Variants in SYNPO2 observed in about 807,000 individuals in gnomAD.
SYNPO2 encodes the protein synaptopodin-2.
SYNPO2 carries 56 observed loss-of-function variants against 85.0 expected under a neutral mutation model. The ratio of observed to expected loss-of-function variants is 0.66; its 90% confidence interval spans 0.53 to 0.82. The LOEUF is 0.82. Ranked by LOEUF, SYNPO2 falls within the 40% of genes least tolerant of loss-of-function variation. The pLI, the probability that SYNPO2 is intolerant of heterozygous loss-of-function variation, is 0.00. For synonymous variants in SYNPO2, 602 were observed against 591.1 expected, an observed-to-expected ratio of 1.02 and a Z score of -0.27; for missense variants, 1,575 against 1,534.2, an observed-to-expected ratio of 1.03 and a Z score of -0.44.
intron 1 of SYNPO2, among the ~76,000 whole-genome samples, chr4:118,949,204 A>G (rs920184383): frequency 2.6e-5 from 4 of 152,236 alleles, no homozygotes; most frequent in African/African-American, 9.6e-5. Flanking sequence ...GAGAGCCACA[A>G]TAGATAAACA....
intron 1 of SYNPO2, among the ~76,000 whole-genome samples, chr4:118,871,858 C>G (rs372325036): frequency 6.6e-6 from 1 of 152,166 alleles, no homozygotes; most frequent in African/African-American, 2.4e-5. Flanking sequence ...CGTGAGCCAC[C>G]GCACCTGGCC....
chr4:118,962,762 A>C (rs995057876), intron 1 of SYNPO2, among the ~76,000 whole-genome samples: 3 of 152,192 alleles, frequency 2.0e-5, no homozygotes, highest in African/African-American at 7.2e-5. Context: ...CCATGTTTGG[A>C]AATGGTTCCT....
At chr4:118,957,022 G>C (rs72913151) in intron 1 of SYNPO2, among the ~76,000 whole-genome samples, 66,029 of 151,372 alleles carry the variant, frequency 0.44, 14,610 homozygotes, top group Admixed American at 0.55. Context: ...TCCAGCCTGG[G>C]TGACACAGTG....
At chr4:118,896,251 A>G (rs1049267074) in intron 1 of SYNPO2, among the ~76,000 whole-genome samples, 11 of 152,194 alleles carry the variant, frequency 7.2e-5, no homozygotes, top group African/African-American at 2.7e-4. Flanking sequence ...ATAACAAACT[A>G]TTCTTTTTTT....
At chr4:119,043,532 A>G (rs1194932824) in intron 4 of SYNPO2, 1 of 152,264 alleles carries the variant, frequency 6.6e-6, no homozygotes, top group Non-Finnish European at 1.5e-5. Flanking sequence ...AGAATACTAA[A>G]GAATGAGATC....
rs151113205 is a variant in SYNPO2 at position 119,031,801 on chromosome 4, G to T, written c.3026G>T (p.Arg1009Leu). ...ALAMKQALPPRPVNAASPTNV... is the reference protein window; with the variant it reads ...ALAMKQALPPLPVNAASPTNV... ...GCCATGAAGCAAGCTCTTCCTCCCC[G>T]GCCAGTGAATGCTGCCTCACCTACG... The change falls in exon 4 of 5, where the codon CGG (arginine) becomes CTG (leucine). Residue 1009 changes from arginine (R) to leucine (L), a missense_variant. Physicochemically the swap from Arg to Leu is moderately radical, Grantham distance 102. Coordinates refer to ENST00000307142, the MANE Select transcript of SYNPO2 (RefSeq NM_133477.3). 10 of 1,614,022 alleles carry T rather than the reference G, an allele frequency of 6.2e-6. No individual in the cohort carries two copies. Among genetic ancestry groups the T allele is most frequent in the Non-Finnish European group, 7.6e-6 (9 of 1,180,038 alleles).
intron 1 of SYNPO2, among the ~76,000 whole-genome samples, chr4:118,906,737 T>C (rs577296800): frequency 6.6e-6 from 1 of 152,232 alleles, no homozygotes; most frequent in African/African-American, 2.4e-5. Context: ...TGTACCTTAC[T>C]AGATCTTTTT....
chr4:118,912,503 A>C (rs1473194135), intron 1 of SYNPO2, among the ~76,000 whole-genome samples: 1 of 43,540 alleles, frequency 2.3e-5, no homozygotes, highest in African/African-American at 5.7e-5. Flanking sequence ...TTGTTTAAAA[A>C]TTTAGGTAAA....
chr4:119,028,152 G>A (rs894453393), intron 3 of SYNPO2, among the ~76,000 whole-genome samples: 3 of 151,894 alleles, frequency 2.0e-5, no homozygotes, highest in African/African-American at 7.3e-5. Context: ...AGACAGAAAG[G>A]AGAATTGGGA....
At chr4:119,035,792 G>A (rs1179038697) in intron 4 of SYNPO2, 3 of 979,410 alleles carry the variant, frequency 3.1e-6, no homozygotes, top group Non-Finnish European at 3.6e-6. Flanking sequence ...ATTCTAGCCT[G>A]GCAGCAAGAG....
chr4:118,977,239 G>T (rs893688027), intron 1 of SYNPO2, among the ~76,000 whole-genome samples: 4 of 152,220 alleles, frequency 2.6e-5, no homozygotes, highest in Non-Finnish European at 5.9e-5. Flanking sequence ...GCGCAGCGCC[G>T]GTGGGCCAGC....
intron 1 of SYNPO2, among the ~76,000 whole-genome samples, chr4:119,009,989 G>A: frequency 6.6e-6 from 1 of 152,204 alleles, no homozygotes; most frequent in Non-Finnish European, 1.5e-5. Context: ...GAGTAGCAAG[G>A]ATGGGTTTTT....
chr4:118,935,935 G>T (rs2149135221), intron 1 of SYNPO2, among the ~76,000 whole-genome samples: 1 of 152,276 alleles, frequency 6.6e-6, no homozygotes, highest in African/African-American at 2.4e-5. Flanking sequence ...GAAGAGGAGG[G>T]GTTGATTTTG....
At chr4:118,977,072 C>CA (rs1735789811) in intron 1 of SYNPO2, among the ~76,000 whole-genome samples, 1 of 152,206 alleles carries the variant, frequency 6.6e-6, no homozygotes, top group South Asian at 2.1e-4. Context: ...CTTGGGTGGT[C>CA]GATGGGACTG....
chr4:118,939,043 G>A (rs943317816), intron 1 of SYNPO2, among the ~76,000 whole-genome samples: 1 of 152,160 alleles, frequency 6.6e-6, no homozygotes, highest in African/African-American at 2.4e-5. Flanking sequence ...ATGGTGTACA[G>A]ATTTTCACTG....
intron 1 of SYNPO2, among the ~76,000 whole-genome samples, chr4:118,918,750 C>T (rs1305708153): frequency 6.6e-6 from 1 of 152,112 alleles, no homozygotes; most frequent in Non-Finnish European, 1.5e-5. Context: ...GTCCAAACAT[C>T]GGGATAAGAT....
At chr4:119,008,454 G>C (rs1268878051) in intron 1 of SYNPO2, among the ~76,000 whole-genome samples, 1 of 147,908 alleles carries the variant, frequency 6.8e-6, no homozygotes, top group African/African-American at 2.5e-5. Flanking sequence ...TTTTTTCCTT[G>C]GCAAAGCAAG....
At chr4:118,988,342 G>T (rs1407798050) in intron 1 of SYNPO2, among the ~76,000 whole-genome samples, 1 of 151,586 alleles carries the variant, frequency 6.6e-6, no homozygotes, top group Non-Finnish European at 1.5e-5. Flanking sequence ...ATGGGAAAAA[G>T]GTGTTAATGG....
chr4:119,009,508 T>G (rs1391032332), intron 1 of SYNPO2, among the ~76,000 whole-genome samples: 1 of 152,154 alleles, frequency 6.6e-6, no homozygotes, highest in Non-Finnish European at 1.5e-5. Context: ...TCAATAAAGA[T>G]CTGCCTGTTT....
Sources: gnomAD v4.1 joint callset for allele counts (sites outside exome capture counted in the v4.1 genomes callset) on GRCh38, gnomAD v4.1.1 for gene constraint, MANE v1.5 for transcripts, NCBI Gene and HGNC (gene_info 2026-07-23, HGNC 2026-07-21) for gene names.